Variants in SSBP2 observed in about 807,000 individuals in gnomAD.
The protein encoded by SSBP2 is single-stranded DNA-binding protein 2.
A neutral mutation model predicts 61.8 loss-of-function variants in SSBP2; 17 were observed. That is an observed-to-expected ratio of 0.28 (90% CI 0.19 to 0.41). SSBP2 has a LOEUF of 0.41. Among genes scored for constraint, SSBP2 ranks in the 10% least tolerant of loss-of-function variants. The pLI, the probability that SSBP2 is intolerant of heterozygous loss-of-function variation, is 1.00. For missense variants in SSBP2, 310 were observed against 458.7 expected (o/e 0.68, Z 2.96); for synonymous variants, 139 against 141.3 (o/e 0.98, Z 0.12).
At chr5:81,451,391 G>C (rs1763760620) in intron 10 of SSBP2, among the ~76,000 whole-genome samples, 1 of 151,064 alleles carries the variant, frequency 6.6e-6, no homozygotes, top group African/African-American at 2.4e-5. Context: ...TCATTCTTAA[G>C]TCCTTGCTCC....
At chr5:81,738,760 T>C (rs527936678) in intron 1 of SSBP2, among the ~76,000 whole-genome samples, 81 of 152,322 alleles carry the variant, frequency 5.3e-4, no homozygotes, top group African/African-American at 1.8e-3. Flanking sequence ...TGTATTGTTA[T>C]AGCAATCGCT....
At position 81,440,431 on chromosome 5, in the gene SSBP2, G is replaced by A. The variant is rs775150963; in HGVS notation, c.928+127C>T. 2.5e-5 allele frequency: 17 copies of A among 674,140 alleles called. No individual in the cohort carries two copies. The Admixed American group carries it at 2.9e-4, about 11-fold the overall frequency. The allele number at this position is 674,140 out of a possible 1,614,324, so 41.8% of individuals were successfully genotyped here. The stretch of plus-strand genomic sequence containing the variant: ...AATGTCAATTAAACTATCTGTATGA[G>A]GTAAAAGTTGAAGTATTTAAAAATG... On this transcript the variant is annotated intron_variant, in intron 14 of 16. Coordinates refer to ENST00000320672, the MANE Select transcript of SSBP2 (RefSeq NM_012446.5).
intron 3 of SSBP2, among the ~76,000 whole-genome samples, chr5:81,631,140 C>T (rs1019391274): frequency 6.6e-6 from 1 of 152,162 alleles, no homozygotes; most frequent in Non-Finnish European, 1.5e-5. Context: ...AAATGCCAGT[C>T]TTAAACCCCA....
intron 3 of SSBP2, among the ~76,000 whole-genome samples, chr5:81,631,513 G>A (rs1286751632): frequency 6.7e-6 from 1 of 150,252 alleles, no homozygotes; most frequent in Admixed American, 6.6e-5. Flanking sequence ...GCTTGTCCAT[G>A]TAAATACATG....
intron 9 of SSBP2, among the ~76,000 whole-genome samples, chr5:81,463,152 A>C (rs1580747704): frequency 6.6e-6 from 1 of 152,198 alleles, no homozygotes; most frequent in African/African-American, 2.4e-5. Flanking sequence ...ATTCATATGG[A>C]TAAGTTAAAT....
At chr5:81,510,484 T>C (rs1188972376) in intron 5 of SSBP2, among the ~76,000 whole-genome samples, 3 of 152,154 alleles carry the variant, frequency 2.0e-5, no homozygotes, top group African/African-American at 7.2e-5. Context: ...TGGAGTAGGC[T>C]GGGCACAGTG....
At chr5:81,686,770 G>A (rs1053868078) in intron 1 of SSBP2, among the ~76,000 whole-genome samples, 5 of 150,430 alleles carry the variant, frequency 3.3e-5, no homozygotes, top group South Asian at 2.1e-4. Flanking sequence ...CAGGAGAATC[G>A]CTTGAACCCA....
chr5:81,543,337 C>T (rs2154119911), intron 4 of SSBP2, among the ~76,000 whole-genome samples: 1 of 152,280 alleles, frequency 6.6e-6, no homozygotes, highest in South Asian at 2.1e-4. Flanking sequence ...CAGACTAATA[C>T]ACATGTCCTT....
chr5:81,441,598 G>C (rs554854102), intron 13 of SSBP2, among the ~76,000 whole-genome samples: 69 of 152,244 alleles, frequency 4.5e-4, no homozygotes, highest in Non-Finnish European at 9.0e-4. Context: ...AGGCTTTTAG[G>C]AAGAAATAAC....
chr5:81,594,275 T>G (rs986924023), intron 4 of SSBP2, among the ~76,000 whole-genome samples: 8 of 152,100 alleles, frequency 5.3e-5, no homozygotes, highest in African/African-American at 1.9e-4. Context: ...AGGGATCAAT[T>G]CAACAAGAAG....
At chr5:81,612,540 A>T (rs1581165659) in intron 4 of SSBP2, among the ~76,000 whole-genome samples, 1 of 152,126 alleles carries the variant, frequency 6.6e-6, no homozygotes, top group African/African-American at 2.4e-5. Context: ...ATTTTAAATT[A>T]ACAGAATTAT....
intron 1 of SSBP2, among the ~76,000 whole-genome samples, chr5:81,712,098 G>A (rs1477614832): frequency 6.6e-6 from 1 of 150,424 alleles, no homozygotes; most frequent in Admixed American, 6.7e-5. Flanking sequence ...TAGCTCTTCA[G>A]TTAAAATATC....
intron 1 of SSBP2, among the ~76,000 whole-genome samples, chr5:81,698,740 A>T (rs2153873104): frequency 6.6e-6 from 1 of 152,224 alleles, no homozygotes; most frequent in Non-Finnish European, 1.5e-5. Flanking sequence ...TCTGGGAGGC[A>T]GAGGTTCCAG....
At chr5:81,706,760 G>A (rs1754422817) in intron 1 of SSBP2, among the ~76,000 whole-genome samples, 1 of 152,148 alleles carries the variant, frequency 6.6e-6, no homozygotes, top group Non-Finnish European at 1.5e-5. Flanking sequence ...GTTTGTTTAT[G>A]GACTATGCTC....
chr5:81,670,706 G>C (rs2153787342), intron 1 of SSBP2, among the ~76,000 whole-genome samples: 1 of 152,042 alleles, frequency 6.6e-6, no homozygotes. Flanking sequence ...AATTCCCCCT[G>C]TGAATTCTCT....
intron 5 of SSBP2, among the ~76,000 whole-genome samples, chr5:81,501,982 T>TAA (rs1767828937): frequency 1.3e-5 from 2 of 152,168 alleles, no homozygotes; most frequent in Non-Finnish European, 2.9e-5. Context: ...TCAAAATAGT[T>TAA]TGTAAGAGCC....
At chr5:81,673,466 G>A (rs1751738530) in intron 1 of SSBP2, among the ~76,000 whole-genome samples, 2 of 152,098 alleles carry the variant, frequency 1.3e-5, no homozygotes, top group Admixed American at 1.3e-4. Context: ...TGTAAAGGAT[G>A]ACAAATATGA....
intron 1 of SSBP2, among the ~76,000 whole-genome samples, chr5:81,749,060 T>C (rs745368651): frequency 2.0e-5 from 3 of 151,972 alleles, no homozygotes; most frequent in Non-Finnish European, 4.4e-5. Flanking sequence ...CTCTGACTAA[T>C]GTGAAATTCA....
In SSBP2 at chr5:81,442,657, G is replaced by A; in HGVS notation, c.845C>T (p.Pro282Leu). The stretch of plus-strand genomic sequence containing the variant: ...ATAAAAAAAGTTCATATTTACATTA[G>A]GTCTGTTAGGTCCAGGAGGTACTGC... Residue 282 changes from proline to leucine, a missense_variant, in exon 13 of 17, where the codon CCT (proline) becomes CTT (leucine). Coordinates refer to ENST00000320672, the MANE Select transcript of SSBP2 (RefSeq NM_012446.5). 1 of 1,555,012 alleles carries A rather than the reference G, an allele frequency of 6.4e-7. No homozygotes were observed. The highest frequency in any genetic ancestry group is 2.3e-5 in the East Asian group (1 of 43,218).
Sources: gnomAD v4.1 joint callset for allele counts (sites outside exome capture counted in the v4.1 genomes callset) on GRCh38, gnomAD v4.1.1 for gene constraint, MANE v1.5 for transcripts, NCBI Gene and HGNC (gene_info 2026-07-23, HGNC 2026-07-21) for gene names.